NEDD4L: variants seen among roughly 807,000 people sequenced by gnomAD.
The protein encoded by NEDD4L is E3 ubiquitin-protein ligase NEDD4-like.
In NEDD4L, 54 loss-of-function variants were observed where a neutral mutation model predicts 148.9. The observed-to-expected ratio is 0.36, with a 90% confidence interval of 0.29 to 0.45. NEDD4L has a LOEUF of 0.45. Among genes scored for constraint, NEDD4L ranks in the 20% least tolerant of loss-of-function variants. NEDD4L has a pLI of 1.00. For missense variants in NEDD4L, 856 were observed against 1,233.8 expected, an observed-to-expected ratio of 0.69 and a Z score of 4.59; for synonymous variants, 433 against 440.7, an observed-to-expected ratio of 0.98 and a Z score of 0.22.
chr18:58,126,890 C>T (rs963528442), intron 1 of NEDD4L, among the ~76,000 whole-genome samples: 1 of 152,228 alleles, frequency 6.6e-6, no homozygotes, highest in African/African-American at 2.4e-5. Flanking sequence ...TCTGCCTTGG[C>T]ACCCGCACCC....
At chr18:58,369,286 A>G (rs568434316) in intron 22 of NEDD4L, among the ~76,000 whole-genome samples, 4 of 152,304 alleles carry the variant, frequency 2.6e-5, no homozygotes, top group African/African-American at 9.6e-5. Context: ...AGATGGGCGG[A>G]AGCAGGAACC....
intron 1 of NEDD4L, among the ~76,000 whole-genome samples, chr18:58,110,292 C>T (rs1478578267): frequency 6.6e-6 from 1 of 152,202 alleles, no homozygotes; most frequent in Non-Finnish European, 1.5e-5. Context: ...ATGGAGAATG[C>T]CAGCTCCTCT....
At chr18:58,111,408 G>T (rs935696420) in intron 1 of NEDD4L, among the ~76,000 whole-genome samples, 9 of 152,104 alleles carry the variant, frequency 5.9e-5, no homozygotes, top group African/African-American at 2.2e-4. Context: ...AAGCCTGTAC[G>T]ATATAACCAT....
At chr18:58,084,849 A>G (rs973262960) in intron 1 of NEDD4L, among the ~76,000 whole-genome samples, 1 of 151,708 alleles carries the variant, frequency 6.6e-6, no homozygotes, top group African/African-American at 2.4e-5. Flanking sequence ...TGTGTGCCGC[A>G]ATGCCCAGCT....
chr18:58,148,586 C>T (rs1426320952), intron 1 of NEDD4L, among the ~76,000 whole-genome samples: 1 of 152,210 alleles, frequency 6.6e-6, no homozygotes, highest in African/African-American at 2.4e-5. Context: ...ATGGCCTTTG[C>T]CCTGCATACA....
chr18:58,131,000 C>T (rs2032032701), intron 1 of NEDD4L, among the ~76,000 whole-genome samples: 1 of 91,412 alleles, frequency 1.1e-5, no homozygotes, highest in Non-Finnish European at 2.1e-5. Flanking sequence ...GTTTGGTTGA[C>T]TGTGATCTAG....
chr18:58,238,974 T>C (rs1460802229), intron 2 of NEDD4L, among the ~76,000 whole-genome samples: 2 of 152,266 alleles, frequency 1.3e-5, no homozygotes, highest in Non-Finnish European at 2.9e-5. Flanking sequence ...TGTTTATAAA[T>C]GTTTTATAAG....
chr18:58,352,846 G>A (rs540553576), intron 18 of NEDD4L, among the ~76,000 whole-genome samples: 1 of 152,300 alleles, frequency 6.6e-6, no homozygotes, highest in Non-Finnish European at 1.5e-5. Flanking sequence ...GTGATGCTTA[G>A]GTCCCCCTAA....
intron 5 of NEDD4L, among the ~76,000 whole-genome samples, chr18:58,265,629 A>G (rs1352534276): frequency 6.6e-6 from 1 of 151,998 alleles, no homozygotes; most frequent in African/African-American, 2.4e-5. Context: ...CGGTGGCGTT[A>G]AGATGGCTCA....
At chr18:58,127,224 C>T (rs1017648846) in intron 1 of NEDD4L, among the ~76,000 whole-genome samples, 3 of 152,184 alleles carry the variant, frequency 2.0e-5, no homozygotes, top group East Asian at 1.9e-4. Flanking sequence ...AAAGGTCCTC[C>T]GTGGTATTAG....
At chr18:58,340,810 G>C (rs1160676161) in intron 13 of NEDD4L, 1 of 470,764 alleles carries the variant, frequency 2.1e-6, no homozygotes, top group Non-Finnish European at 3.7e-6. Context: ...TTAGAACCAA[G>C]TTCTGTAAGA....
chr18:58,046,146 GT>G (rs2081572349), intron 1 of NEDD4L: 1 of 152,226 alleles, frequency 6.6e-6, no homozygotes, highest in African/African-American at 2.4e-5. Context: ...CAAATAATGT[GT>G]GATTTGTGTG....
intron 1 of NEDD4L, among the ~76,000 whole-genome samples, chr18:58,160,802 A>G (rs2036105003): frequency 6.6e-6 from 1 of 152,194 alleles, no homozygotes; most frequent in Admixed American, 6.5e-5. Context: ...CTGTGTCTCT[A>G]AAATGCATGT....
At chr18:58,355,532 A>G (rs1251525039) in intron 18 of NEDD4L, among the ~76,000 whole-genome samples, 1 of 152,186 alleles carries the variant, frequency 6.6e-6, no homozygotes, top group Non-Finnish European at 1.5e-5. Flanking sequence ...TGCTTTGATG[A>G]CAATATCCAT....
chr18:58,200,031 A>G (rs1420619325), intron 2 of NEDD4L, among the ~76,000 whole-genome samples: 1 of 152,196 alleles, frequency 6.6e-6, no homozygotes, highest in Non-Finnish European at 1.5e-5. Context: ...AAAAAGCACA[A>G]ACAAAATTGC....
chr18:58,375,032 C>G (rs2047379611), intron 24 of NEDD4L, among the ~76,000 whole-genome samples: 1 of 152,150 alleles, frequency 6.6e-6, no homozygotes, highest in Non-Finnish European at 1.5e-5. Flanking sequence ...TTTTTCCTCC[C>G]CAGCCCCCAC....
chr18:58,317,498 T>C (rs1015635087), intron 6 of NEDD4L, among the ~76,000 whole-genome samples: 13 of 152,322 alleles, frequency 8.5e-5, no homozygotes, highest in African/African-American at 3.1e-4. Context: ...CAGGGGAAAT[T>C]ATTTTCTGAG....
intron 1 of NEDD4L, among the ~76,000 whole-genome samples, chr18:58,064,643 T>A (rs747946454): frequency 1.1e-4 from 16 of 152,244 alleles, no homozygotes; most frequent in Non-Finnish European, 2.2e-4. Flanking sequence ...GCAGAACTAC[T>A]GTTGTCATCT....
intron 29 of NEDD4L, 22 bp downstream of exon 29, chr18:58,390,764 T>G: frequency 1.3e-6 from 2 of 1,518,248 alleles, no homozygotes; most frequent in East Asian, 4.7e-5. Flanking sequence ...ACCATTGGAT[T>G]CAGTTGTCCT....
Sources: allele counts gnomAD v4.1 joint callset (sites outside exome capture counted in the v4.1 genomes callset), GRCh38; gene constraint gnomAD v4.1.1; transcripts MANE v1.5; gene names NCBI Gene and HGNC (gene_info 2026-07-23, HGNC 2026-07-21).